Variants in AHNAK2 observed in about 807,000 individuals in gnomAD.
AHNAK2 encodes AHNAK nucleoprotein 2.
In AHNAK2, 18 loss-of-function variants were observed where a neutral mutation model predicts 30.7. The observed-to-expected ratio is 0.59, with a 90% CI of 0.41 to 0.87. The LOEUF (loss-of-function observed/expected upper bound fraction) is 0.87. AHNAK2 is among the 40% of genes least tolerant of loss of function. The pLI, the probability that AHNAK2 is intolerant of heterozygous loss-of-function variation, is 0.00. For missense variants in AHNAK2, 8,604 were observed against 7,373.0 expected, an observed-to-expected ratio of 1.17 and a Z score of -6.11; for synonymous variants, 3,590 against 3,073.8, an observed-to-expected ratio of 1.17 and a Z score of -5.56.
chr14:104,955,853 C>T (rs1898957705), intron 4 of AHNAK2, among the ~76,000 whole-genome samples: 1 of 152,256 alleles, frequency 6.6e-6, no homozygotes, highest in Admixed American at 6.5e-5. Context: ...TGTCCCCACC[C>T]CAACCTGCCA....
Position 104,952,504 on chromosome 14 carries a change from C to A in AHNAK2, c.2947G>T (p.Asp983Tyr). The stretch of plus-strand genomic sequence containing the variant: ...ACGTCCTTGTCGGCCAGGGACAGGT[C>A]CCCCTCCAGCCACGCACCATCCAGC... ...AKLDGAWLEG[D>Y]LSLADKDVTA... Residue 983 changes from aspartate to tyrosine, a missense_variant, in exon 7 of 7, where the codon GAC (aspartate) becomes TAC (tyrosine). Coordinates refer to ENST00000333244, the MANE Select transcript of AHNAK2 (RefSeq NM_138420.4). The A allele has an allele frequency of 2.5e-6, 4 of 1,612,762 alleles. No individual in the cohort carries two copies. Among genetic ancestry groups the A allele is most frequent in the Non-Finnish European group, 1.7e-6 (2 of 1,179,608 alleles).
rs775812588 is a variant in AHNAK2, at chr14:104,953,279, G to A, written c.2172C>T (p.Ser724=). Residue 724 remains serine (S), a synonymous_variant, in exon 7 of 7, where the codon AGC becomes AGT. Transcript: ENST00000333244. The part of the protein sequence containing the change: ...MQGDLKTTDL[S]VQTPSADLEV... ...CCAGGTCAGCGGAAGGGGTCTGGAC[G>A]CTGAGGTCAGTGGTCTTGAGGTCCC... 3.5e-5 allele frequency: 56 copies of A among 1,612,676 alleles called. No homozygotes were observed. The highest frequency in any genetic ancestry group is 2.1e-4 in the South Asian group (19 of 91,048).
At position 104,947,631 on chromosome 14, in the gene AHNAK2, A is replaced by G; in HGVS notation, c.7820T>C (p.Val2607Ala). 1 of 1,612,668 alleles carries G rather than the reference A, an allele frequency of 6.2e-7. No homozygotes were observed. The highest frequency in any genetic ancestry group is 8.5e-7 in the Non-Finnish European group (1 of 1,179,518). The change falls in exon 7 of 7, where the codon GTG (valine) becomes GCG (alanine). Residue 2607 changes from valine (V) to alanine (A), a missense_variant. Physicochemically the swap from Val to Ala is moderately conservative, Grantham distance 64. Transcript: ENST00000333244. ...CTCCATGCTGGACAGAGACATCTCC[A>G]CATCGGGGGCTGTCACTTCCGCCTT... ...GPKAEVTAPD[V>A]EMSLSSMEVD... is the part of the protein sequence containing the mutation.
rs1211478822 is a variant in AHNAK2 at position 104,955,087 on chromosome 14, G to A, written c.521C>T (p.Ala174Val). The A allele has an allele frequency of 1.2e-6, 2 of 1,613,382 alleles. No individual in the cohort carries two copies. Among genetic ancestry groups the A allele is most frequent in the Admixed American group, 1.7e-5 (1 of 60,024 alleles). ...CTCTGAATATTGAAGGATTTTGAGAGCATCTTCATATTTTATGTTTTCAAA... is the reference window on the plus strand; with the variant it reads ...CTCTGAATATTGAAGGATTTTGAGAACATCTTCATATTTTATGTTTTCAAA... ...VFFENIKYED[A>V]LKILQYSEPY... Residue 174 changes from alanine (A) to valine (V), a missense_variant, in exon 6 of 7, where the codon GCT (alanine) becomes GTT (valine). Physicochemically the swap from Ala to Val is moderately conservative, Grantham distance 64. Transcript: ENST00000333244.
At position 104,951,385 on chromosome 14, in the gene AHNAK2, G is replaced by T. The variant is rs781473803; in HGVS notation, c.4066C>A (p.Pro1356Thr). The change falls in exon 7 of 7, where the codon CCC becomes ACC. Residue 1356 changes from proline (P) to threonine (T), a missense_variant. Coordinates refer to ENST00000333244, the MANE Select transcript of AHNAK2 (RefSeq NM_138420.4). ...SIEASVDLSA[P>T]KVEADMSLPS... ...AGGCTCATGTCGGCCTCCACCTTGG[G>T]TGCAGACAGGTCCACGGAGGCCTCA... 11 of 1,082,378 alleles carry T rather than the reference G, an allele frequency of 1.0e-5. 4 individuals carry two copies. Among genetic ancestry groups the T allele is most frequent in the Non-Finnish European group, 1.5e-5 (11 of 744,210 alleles). The allele number at this position is 1,082,378 out of a possible 1,614,324, so 67.0% of individuals were successfully genotyped here.
Position 104,939,974 on chromosome 14 carries a change from G to C in AHNAK2, c.15477C>G (p.Leu5159=). The C allele has an allele frequency of 6.2e-7, 1 of 1,612,056 alleles. No individual in the cohort carries two copies. The highest frequency in any genetic ancestry group is 8.5e-7 in the Non-Finnish European group (1 of 1,179,888). Residue 5159 remains leucine, a synonymous_variant, in exon 7 of 7, where the codon CTC becomes CTG. Transcript: ENST00000333244. The stretch of plus-strand genomic sequence containing the variant: ...CATCTGGTTTTCTACAGGATGGCTG[G>C]AGGGGATCTTCAGGTGTGGGGGCTA... ...EGIAPTPEDP[L]QPSCRKPDAE...
In AHNAK2 at chr14:104,943,586, G is replaced by T; in HGVS notation, c.11865C>A (p.Ser3955=). Residue 3955 remains serine (S), a synonymous_variant, in exon 7 of 7, where the codon TCC becomes TCA. Coordinates refer to ENST00000333244, the MANE Select transcript of AHNAK2 (RefSeq NM_138420.4). ...LDGARLEGDL[S]LADKDMTAKD... ...TGGCCGTCATGTCCTTGTCGGCCAGGGACAGGTCCCCCTCCAGCCGCGCAC... is the reference window on the plus strand; with the variant it reads ...TGGCCGTCATGTCCTTGTCGGCCAGTGACAGGTCCCCCTCCAGCCGCGCAC... 9.9e-6 allele frequency: 16 copies of T among 1,613,094 alleles called. No individual in the cohort carries two copies. Among genetic ancestry groups the T allele is most frequent in the Non-Finnish European group, 1.3e-5 (15 of 1,179,608 alleles).
intron 1 of AHNAK2, among the ~76,000 whole-genome samples, chr14:104,962,716 C>G (rs1304824182): frequency 6.6e-6 from 1 of 152,142 alleles, no homozygotes. Context: ...CGTGAGCCAC[C>G]ATGCCCGGCC....
chr14:104,961,299 G>A (rs1187816558), intron 1 of AHNAK2, among the ~76,000 whole-genome samples: 3 of 152,060 alleles, frequency 2.0e-5, no homozygotes, highest in Admixed American at 6.5e-5. Flanking sequence ...CGGATCACGA[G>A]GTCAGGAGAT....
In AHNAK2 at chr14:104,943,735, T is replaced by C. The variant is rs769225085; in HGVS notation, c.11716A>G (p.Ile3906Val). The C allele has an allele frequency of 5.0e-6, 8 of 1,611,216 alleles. No homozygotes were observed. The highest frequency in any genetic ancestry group is 6.8e-6 in the Non-Finnish European group (8 of 1,178,882). The change falls in exon 7 of 7, where the codon ATA becomes GTA. Residue 3906 changes from isoleucine (I) to valine (V), a missense_variant. Physicochemically the swap from Ile to Val is conservative, Grantham distance 29. Transcript: ENST00000333244. Reference protein sequence around the residue: ...MPKVDLKGPEIDIKGPKLDLK... With the variant: ...MPKVDLKGPEVDIKGPKLDLK... ...TCCAGCTTGGGGCCCTTGATGTCTATTTCAGGGCCCTTGAGGTCGACTTTG... is the reference window on the plus strand; with the variant it reads ...TCCAGCTTGGGGCCCTTGATGTCTACTTCAGGGCCCTTGAGGTCGACTTTG...
At position 104,939,680 on chromosome 14, in the gene AHNAK2, C is replaced by T. The variant is rs369372977; in HGVS notation, c.15771G>A (p.Val5257=). Residue 5257 remains valine (V), a synonymous_variant, in exon 7 of 7, where the codon GTG becomes GTA. Coordinates refer to ENST00000333244, the MANE Select transcript of AHNAK2 (RefSeq NM_138420.4). ...SLQLPEADAE[V]TASESKSSTD... is the part of the protein sequence containing the mutation. ...TGGATGATTTGCTCTCAGAAGCTGT[C>T]ACTTCTGCATCTGCCTCTGGGAGCT... 2 of 1,613,922 alleles carry T rather than the reference C, an allele frequency of 1.2e-6. No individual in the cohort carries two copies. Among genetic ancestry groups the T allele is most frequent in the Non-Finnish European group, 1.7e-6 (2 of 1,179,900 alleles).
rs967539273 is a variant in AHNAK2, at chr14:104,978,143, C to A, written c.55+40G>T. 31 of 1,207,354 alleles carry A rather than the reference C, an allele frequency of 2.6e-5. No homozygotes were observed. The Admixed American group carries it at 4.4e-4, about 17-fold the overall frequency. The allele number at this position is 1,207,354 out of a possible 1,614,324, so 74.8% of individuals were successfully genotyped here. On this transcript the variant is annotated intron_variant, in intron 1 of 6. Transcript: ENST00000333244. The stretch of plus-strand genomic sequence containing the variant: ...GCGCGCGCCCTCGCGCGTAGCCCAC[C>A]CGCCCCAGGGGAGCGGGCTGCAGGC...
rs137933016 is a variant in AHNAK2, at chr14:104,942,593, T to C, written c.12858A>G (p.Leu4286=). The change falls in exon 7 of 7, where the codon CTA becomes CTG. Residue 4286 remains leucine (L), a synonymous_variant. Transcript: ENST00000333244. ...CTTTGGCAGTCATGTCCTTGTCGGC[T>C]AGGGACAGGTCACCCTCCAGCCGCA... The part of the protein sequence containing the change: ...DSVRLEGDLS[L]ADKDMTAKDS... 554 of 1,606,564 alleles carry C rather than the reference T, an allele frequency of 3.4e-4. 8 individuals are homozygous for C. In the African/African-American group the frequency reaches 4.1e-3, roughly 12 times the overall value.
rs758831144 is a variant in AHNAK2, at chr14:104,950,301, AC to A, written c.5149del (p.Val1717SerfsTer6). 1.6e-5 allele frequency: 25 copies of A among 1,583,336 alleles called. 4 individuals carry two copies. The highest frequency in any genetic ancestry group is 2.1e-5 in the Non-Finnish European group (24 of 1,162,120). ...SIQSPSADLE[V>X]QAGQVNVKLP... Reference sequence around the variant, plus strand: ...TTTCACGTTCACTTGGCCAGCCTGGACCTCCAGGTCGGCGGAAGGGGACTGA... The same window carrying A: ...TTTCACGTTCACTTGGCCAGCCTGGACTCCAGGTCGGCGGAAGGGGACTGA... On this transcript the variant is annotated frameshift_variant, in exon 7 of 7. Transcript: ENST00000333244. LOFTEE classifies it low-confidence loss of function (END_TRUNC).
Position 104,944,738 on chromosome 14 carries a change from G to A in AHNAK2, c.10713C>T (p.Leu3571=), listed in dbSNP as rs1453146075. Residue 3571 remains leucine (L), a synonymous_variant, in exon 7 of 7, where the codon CTC becomes CTT. Coordinates refer to ENST00000333244, the MANE Select transcript of AHNAK2 (RefSeq NM_138420.4). ...CCTTAACATCTATCTGGGGGCCCTTGAGGTCCACTTTGGGCGTCTTTAAAC... is the reference window on the plus strand; with the variant it reads ...CCTTAACATCTATCTGGGGGCCCTTAAGGTCCACTTTGGGCGTCTTTAAAC... ...MPSLKTPKVD[L]KGPQIDVKGP... is the part of the protein sequence containing the mutation. 1.2e-6 allele frequency: 2 copies of A among 1,612,606 alleles called. No homozygotes were observed. Among genetic ancestry groups the A allele is most frequent in the South Asian group, 2.2e-5 (2 of 91,024 alleles).
Position 104,948,266 on chromosome 14 carries a change from G to T in AHNAK2, c.7185C>A (p.Ala2395=). Residue 2395 remains alanine, a synonymous_variant, in exon 7 of 7, where the codon GCC becomes GCA. Transcript: ENST00000333244. ...KLPEGPVPEG[A]GLKGHLPKLQ... ...GCTTGGGCAGGTGCCCTTTGAGGCC[G>T]GCTCCCTCCGGCACGGGGCCCTCTG... 6.2e-7 allele frequency: 1 copy of T among 1,612,360 alleles called. No homozygotes were observed. Among genetic ancestry groups the T allele is most frequent in the Non-Finnish European group, 8.5e-7 (1 of 1,179,538 alleles).
rs138265253 is a variant in AHNAK2, at chr14:104,959,505, T to C, written c.56-1833A>G. ...TTTAAAAATTAGCGGGGCATGGTGG[T>C]GCATGCCTATAGTCCCAGCTGCTCA... On this transcript the variant is annotated intron_variant, in intron 1 of 6. Transcript: ENST00000333244. 4.8e-3 allele frequency among the ~76,000 whole-genome samples: 736 copies of C among 152,172 alleles called. 6 individuals carry two copies. The highest frequency in any genetic ancestry group is 0.016 in the African/African-American group (674 of 41,524).
intron 1 of AHNAK2, among the ~76,000 whole-genome samples, chr14:104,967,407 T>G (rs891819581): frequency 6.6e-6 from 1 of 152,304 alleles, no homozygotes; most frequent in African/African-American, 2.4e-5. Flanking sequence ...CCGGCTGCAC[T>G]CCCAAATCTC....
At position 104,954,410 on chromosome 14, in the gene AHNAK2, C is replaced by G; in HGVS notation, c.1041G>C (p.Gln347His). 1.2e-6 allele frequency: 2 copies of G among 1,612,898 alleles called. No individual in the cohort carries two copies. The highest frequency in any genetic ancestry group is 1.7e-6 in the Non-Finnish European group (2 of 1,179,690). ...SSTGQPGRGFQSGVGRAGVLE... is the reference protein window; with the variant it reads ...SSTGQPGRGFHSGVGRAGVLE... ...GGACCCCAGCACGGCCCACCCCACT[C>G]TGGAACCCCCTGCCTGGCTGTCCTG... Residue 347 changes from glutamine to histidine, a missense_variant, in exon 7 of 7, where the codon CAG becomes CAC. Coordinates refer to ENST00000333244, the MANE Select transcript of AHNAK2 (RefSeq NM_138420.4). The surrounding 1 kb of genome is among the most constrained non-coding windows in gnomAD (Gnocchi z 4.3).
Sources: gnomAD v4.1 joint callset for allele counts (sites outside exome capture counted in the v4.1 genomes callset) on GRCh38, gnomAD v4.1.1 for gene constraint, Gnocchi (gnomAD v3.1) non-coding constraint, MANE v1.5 for transcripts, NCBI Gene and HGNC (gene_info 2026-07-23, HGNC 2026-07-21) for gene names.